Variants in PAWR observed in about 807,000 individuals in gnomAD.
The protein encoded by PAWR is PRKC apoptosis WT1 regulator protein.
Under a neutral mutation model 32.0 loss-of-function variants are expected in PAWR, and 23 were observed. The ratio of observed to expected loss-of-function variants is 0.72; its 90% CI spans 0.52 to 1.02. PAWR has a LOEUF of 1.02. PAWR is among the 50% of genes least tolerant of loss of function. The probability of loss-of-function intolerance (pLI) is 0.00; values close to 1 mark genes in which losing one functional copy is unlikely to be tolerated. For synonymous variants in PAWR, 226 were observed against 187.1 expected, an observed-to-expected ratio of 1.21 and a Z score of -1.70; for missense variants, 457 against 437.7, an observed-to-expected ratio of 1.04 and a Z score of -0.39.
rs1208166680 is a variant in PAWR at position 79,589,300 on chromosome 12, A to G, written c.*3307T>C. On this transcript the variant is annotated 3_prime_UTR_variant, in exon 7 of 7. Coordinates refer to ENST00000328827, the MANE Select transcript of PAWR (RefSeq NM_002583.4). ...GTGTTGAATATATGAATGCTTCTCT[A>G]TTACACTGACTTGTACTATTTTCAA... The G allele has an allele frequency of 3.3e-5, 5 of 152,068 alleles. No individual in the cohort carries two copies. In the East Asian group the frequency reaches 7.7e-4, roughly 23 times the overall value. 9.4% of individuals were successfully genotyped at this position (152,068 alleles called of 1,614,324 possible). A position where few individuals can be genotyped will look rare whatever the true frequency, so the allele number is the denominator to read the frequency against.
chr12:79,633,153 C>CA (rs897218743), intron 2 of PAWR, among the ~76,000 whole-genome samples: 4 of 151,378 alleles, frequency 2.6e-5, no homozygotes, highest in African/African-American at 7.3e-5. Context: ...AAACAAAAAA[C>CA]AAAAAAACTA....
intron 2 of PAWR, among the ~76,000 whole-genome samples, chr12:79,637,058 G>A (rs903138655): frequency 6.6e-6 from 1 of 152,152 alleles, no homozygotes; most frequent in Non-Finnish European, 1.5e-5. Context: ...AAGTTCAACT[G>A]CATTTATGTA....
chr12:79,595,236 T>C (rs775131948), intron 5 of PAWR, among the ~76,000 whole-genome samples: 1 of 152,210 alleles, frequency 6.6e-6, no homozygotes, highest in Non-Finnish European at 1.5e-5. Flanking sequence ...GGAACTAAAA[T>C]AGATTACTGA....
At chr12:79,680,450 G>A (rs1878384158) in intron 2 of PAWR, among the ~76,000 whole-genome samples, 1 of 152,128 alleles carries the variant, frequency 6.6e-6, no homozygotes, top group Admixed American at 6.5e-5. Context: ...ATTTGTTGTA[G>A]TATTTATGTA....
intron 2 of PAWR, among the ~76,000 whole-genome samples, chr12:79,682,336 G>A (rs1435181992): frequency 6.6e-6 from 1 of 152,052 alleles, no homozygotes; most frequent in Non-Finnish European, 1.5e-5. Context: ...TTATTATGAA[G>A]AGCCTGAAAA....
intron 4 of PAWR, among the ~76,000 whole-genome samples, chr12:79,601,240 A>G (rs1278526659): frequency 7.2e-6 from 1 of 138,130 alleles, no homozygotes; most frequent in African/African-American, 2.8e-5. Flanking sequence ...TTTTTAAGAG[A>G]CAGGTTCTCA....
chr12:79,625,605 A>G (rs984776120), intron 2 of PAWR, among the ~76,000 whole-genome samples: 1 of 151,944 alleles, frequency 6.6e-6, no homozygotes, highest in South Asian at 2.1e-4. Flanking sequence ...GCAGATCACA[A>G]GATCAGGAGA....
chr12:79,618,750 C>T (rs898383975), intron 3 of PAWR, among the ~76,000 whole-genome samples: 16 of 152,242 alleles, frequency 1.1e-4, no homozygotes, highest in African/African-American at 3.4e-4. Flanking sequence ...GAGGAAAATG[C>T]TTGACATTCT....
At chr12:79,657,913 A>C (rs1398827505) in intron 2 of PAWR, among the ~76,000 whole-genome samples, 2 of 152,182 alleles carry the variant, frequency 1.3e-5, no homozygotes, top group Admixed American at 1.3e-4. Flanking sequence ...GAGAAATCTG[A>C]GGAGTATGGC....
intron 1 of PAWR, 84 bp from the exon 2 acceptor site, chr12:79,690,475 T>C: frequency 2.4e-6 from 2 of 843,642 alleles, no homozygotes; most frequent in Non-Finnish European, 1.6e-6. Context: ...GCTGCGCCCC[T>C]TGGAGTCCTC....
chr12:79,632,535 T>C (rs1489986006), intron 2 of PAWR, among the ~76,000 whole-genome samples: 1 of 150,132 alleles, frequency 6.7e-6, no homozygotes, highest in African/African-American at 2.5e-5. Context: ...ATTCTTGTTT[T>C]GTTTTGTTTA....
rs1289257454 is a variant in PAWR, at chr12:79,587,550, T to C, written c.*5057A>G. 1 of 152,020 alleles carries C rather than the reference T, an allele frequency of 6.6e-6. No individual in the cohort carries two copies. Among genetic ancestry groups the C allele is most frequent in the Non-Finnish European group, 1.5e-5 (1 of 67,886 alleles). The allele number at this position is 152,020 out of a possible 1,614,324, so 9.4% of individuals were successfully genotyped here. On this transcript the variant is annotated 3_prime_UTR_variant, in exon 7 of 7. Transcript: ENST00000328827. ...AATTTTCAGTCAGGCTGAACTTTTG[T>C]GCACTTCCTCATTTATTCGAGAAAC...
rs8176837 is a variant in PAWR, at chr12:79,642,861, G to A, written c.517-21654C>T. Among the ~76,000 whole-genome samples the A allele has an allele frequency of 6.9e-3, 1,057 of 152,252 alleles. 5 individuals are homozygous for A. The highest frequency in any genetic ancestry group is 0.024 in the Middle Eastern group (7 of 294). On this transcript the variant is annotated intron_variant, in intron 2 of 6. Transcript: ENST00000328827. ...AAAACATCGTTTCTGTTAACAGCAA[G>A]CTACTGTTGAGGTAACAGTAAAGTC...
chr12:79,610,249 G>C (rs1874373602), intron 4 of PAWR, among the ~76,000 whole-genome samples: 1 of 152,220 alleles, frequency 6.6e-6, no homozygotes. Context: ...TTCCTATGCA[G>C]CTTGGTTGAG....
intron 2 of PAWR, among the ~76,000 whole-genome samples, chr12:79,629,697 G>A (rs985443902): frequency 4.0e-5 from 6 of 151,738 alleles, no homozygotes; most frequent in Non-Finnish European, 5.9e-5. Flanking sequence ...TTTGTTTTTC[G>A]AAAACTCACT....
chr12:79,668,710 T>C (rs939535656), intron 2 of PAWR, among the ~76,000 whole-genome samples: 1 of 152,182 alleles, frequency 6.6e-6, no homozygotes, highest in African/African-American at 2.4e-5. Context: ...CAGGCAGTAA[T>C]GCAAGCGATG....
chr12:79,669,775 CAGGCTGG>C (rs1266845590), intron 2 of PAWR, among the ~76,000 whole-genome samples: 1 of 151,768 alleles, frequency 6.6e-6, no homozygotes, highest in Non-Finnish European at 1.5e-5. Context: ...TTCTGTCACC[CAGGCTGG>C]AGTACAGTGG....
chr12:79,638,896 ATTTTTTTTTTTTTTTTTT>A (rs60375837), intron 2 of PAWR, among the ~76,000 whole-genome samples: 3 of 10,010 alleles, frequency 3.0e-4, no homozygotes, highest in African/African-American at 3.6e-4. Flanking sequence ...ATATATATAT[ATTTTTTTTTTTTTTTTTT>A]TTTTTTTTTT....
chr12:79,668,561 T>C (rs981422987), intron 2 of PAWR, among the ~76,000 whole-genome samples: 1 of 152,200 alleles, frequency 6.6e-6, no homozygotes, highest in Non-Finnish European at 1.5e-5. Context: ...GATGAAACTG[T>C]TCCACCTCAG....
Sources: gnomAD v4.1 joint callset for allele counts (sites outside exome capture counted in the v4.1 genomes callset) on GRCh38, gnomAD v4.1.1 for gene constraint, MANE v1.5 for transcripts, NCBI Gene and HGNC (gene_info 2026-07-23, HGNC 2026-07-21) for gene names.